The following MAGI1 variants were observed in gnomAD, a reference collection of about 807,000 sequenced individuals.
MAGI1 encodes the protein membrane-associated guanylate kinase, WW and PDZ domain-containing protein 1.
MAGI1 carries 58 observed loss-of-function variants against 139.9 expected under a neutral mutation model. The observed-to-expected ratio is 0.41, with a 90% CI of 0.34 to 0.52. The LOEUF is 0.52. Ranked by LOEUF, MAGI1 falls within the 20% of genes least tolerant of loss-of-function variation. MAGI1 has a pLI of 0.12. For missense variants in MAGI1, 1,874 were observed against 1,901.6 expected (o/e 0.99, Z 0.27); for synonymous variants, 812 against 737.9 (o/e 1.10, Z -1.63).
intron 1 of MAGI1, among the ~76,000 whole-genome samples, chr3:65,805,571 G>A (rs1353781123): frequency 7.2e-5 from 11 of 152,130 alleles, no homozygotes; most frequent in East Asian, 3.9e-4. Flanking sequence ...CATTTGACCC[G>A]GCAATCCCAT....
chr3:65,401,372 T>TGCCCCCC, intron 13 of MAGI1, 67 bp downstream of exon 13: 14 of 778,252 alleles, frequency 1.8e-5, no homozygotes, highest in East Asian at 3.3e-5. Flanking sequence ...CAGAGTACCC[T>TGCCCCCC]CCCACCTCCA....
chr3:65,559,916 G>C (rs1037597965), intron 2 of MAGI1, among the ~76,000 whole-genome samples: 1 of 152,096 alleles, frequency 6.6e-6, no homozygotes, highest in African/African-American at 2.4e-5. Flanking sequence ...TGCAACTGTA[G>C]TCCCAGCTAC....
chr3:65,470,119 T>C (rs1419418016), intron 5 of MAGI1, 164 bp downstream of exon 5: 1 of 571,116 alleles, frequency 1.8e-6, no homozygotes, highest in East Asian at 2.9e-5. Flanking sequence ...AAGTTGGTAA[T>C]AATTAATTAC....
chr3:65,975,849 T>C (rs1248856288), intron 1 of MAGI1, among the ~76,000 whole-genome samples: 1 of 152,146 alleles, frequency 6.6e-6, no homozygotes, highest in Non-Finnish European at 1.5e-5. Flanking sequence ...TTGCACATTC[T>C]TCCTTATGTA....
chr3:65,908,880 G>A (rs1467079148), intron 1 of MAGI1, among the ~76,000 whole-genome samples: 1 of 152,090 alleles, frequency 6.6e-6, no homozygotes, highest in Non-Finnish European at 1.5e-5. Flanking sequence ...AACACAGTGG[G>A]GCAGACACTC....
intron 2 of MAGI1, among the ~76,000 whole-genome samples, chr3:65,570,469 A>G (rs575350812): frequency 9.2e-5 from 14 of 152,190 alleles, no homozygotes; most frequent in Non-Finnish European, 2.1e-4. Flanking sequence ...AACAATGAAG[A>G]AAAATTATAT....
At chr3:65,808,681 AC>A (rs1323116347) in intron 1 of MAGI1, among the ~76,000 whole-genome samples, 1 of 151,926 alleles carries the variant, frequency 6.6e-6, no homozygotes, top group East Asian at 1.9e-4. Flanking sequence ...GCATGATGAG[AC>A]CTTCACGACA....
chr3:65,822,143 A>G (rs2041982945), intron 1 of MAGI1, among the ~76,000 whole-genome samples: 1 of 152,246 alleles, frequency 6.6e-6, no homozygotes, highest in East Asian at 1.9e-4. Flanking sequence ...TTCTTCAAAT[A>G]TAAATTCCAG....
In MAGI1 at chr3:65,742,269, T is replaced by C. The variant is rs114630241; in HGVS notation, c.314-120181A>G. 5.2e-3 allele frequency among the ~76,000 whole-genome samples: 799 copies of C among 152,256 alleles called. 9 individuals carry two copies. The highest frequency in any genetic ancestry group is 0.018 in the African/African-American group (768 of 41,552). ...GTTCCCTGCCAAATATTTTACATCATTATTTCATTAATTTTAAGAAAAAAA... is the reference window on the plus strand; with the variant it reads ...GTTCCCTGCCAAATATTTTACATCACTATTTCATTAATTTTAAGAAAAAAA... On this transcript the variant is annotated intron_variant, in intron 1 of 22. Transcript: ENST00000402939.
At chr3:65,791,631 A>C (rs1467511011) in intron 1 of MAGI1, among the ~76,000 whole-genome samples, 1 of 152,196 alleles carries the variant, frequency 6.6e-6, no homozygotes, top group Non-Finnish European at 1.5e-5. Flanking sequence ...CACAGAAATG[A>C]AATCAATACC....
intron 1 of MAGI1, among the ~76,000 whole-genome samples, chr3:66,020,572 T>G (rs1185994358): frequency 6.6e-6 from 1 of 152,120 alleles, no homozygotes; most frequent in Non-Finnish European, 1.5e-5. Context: ...TGAAGCAAAT[T>G]ACAGAGAAAT....
chr3:65,439,818 G>A, intron 9 of MAGI1, 61 bp downstream of exon 9: 3 of 1,601,006 alleles, frequency 1.9e-6, no homozygotes, highest in Non-Finnish European at 2.5e-6. Context: ...GAGGGTGTCA[G>A]CGCTCAGATT....
intron 1 of MAGI1, among the ~76,000 whole-genome samples, chr3:65,679,600 C>T (rs1361918827): frequency 1.3e-5 from 2 of 152,036 alleles, no homozygotes; most frequent in Non-Finnish European, 2.9e-5. Flanking sequence ...GAAAGAAAGG[C>T]TATCAAGAAG....
In MAGI1 at chr3:65,510,268, C is replaced by T. The variant is rs531005491; in HGVS notation, c.431-16637G>A. ...GCGCCTCTCCTCCTCCAAAGGAACG[C>T]AGTTCCTCACCAGCAACGGAACAAA... On this transcript the variant is annotated intron_variant, in intron 2 of 22. Coordinates refer to ENST00000402939, the MANE Select transcript of MAGI1 (RefSeq NM_001033057.2). 4.8e-3 allele frequency among the ~76,000 whole-genome samples: 727 copies of T among 152,306 alleles called. 5 individuals carry two copies. Among genetic ancestry groups the T allele is most frequent in the African/African-American group, 0.016 (672 of 41,572 alleles).
chr3:65,941,122 G>T (rs948238599), intron 1 of MAGI1, among the ~76,000 whole-genome samples: 1 of 152,132 alleles, frequency 6.6e-6, no homozygotes, highest in Non-Finnish European at 1.5e-5. Context: ...GAGGTGGGCG[G>T]ATCACCTGAG....
intron 12 of MAGI1, among the ~76,000 whole-genome samples, chr3:65,418,098 C>A (rs1005897426): frequency 6.6e-6 from 1 of 152,124 alleles, no homozygotes. Context: ...GGAGTTCCCG[C>A]AACAGATAAC....
At chr3:65,844,783 T>G (rs956510278) in intron 1 of MAGI1, among the ~76,000 whole-genome samples, 1 of 152,108 alleles carries the variant, frequency 6.6e-6, no homozygotes, top group Non-Finnish European at 1.5e-5. Flanking sequence ...TCTAAACACA[T>G]AGAATTAAAT....
intron 2 of MAGI1, among the ~76,000 whole-genome samples, chr3:65,599,489 A>G (rs954884450): frequency 1.3e-5 from 2 of 152,140 alleles, no homozygotes; most frequent in Admixed American, 6.5e-5. Context: ...TCAATACTGG[A>G]GTCAGACTCA....
intron 1 of MAGI1, among the ~76,000 whole-genome samples, chr3:66,018,497 G>T (rs995273637): frequency 4.6e-5 from 7 of 152,162 alleles, no homozygotes; most frequent in Non-Finnish European, 8.8e-5. Flanking sequence ...CTGAGGCACA[G>T]AGAGGTTAAG....
Sources: gnomAD v4.1 joint callset for allele counts (sites outside exome capture counted in the v4.1 genomes callset) on GRCh38, gnomAD v4.1.1 for gene constraint, MANE v1.5 for transcripts, NCBI Gene and HGNC (gene_info 2026-07-23, HGNC 2026-07-21) for gene names.